The following SLC35F3 variants were observed in gnomAD, a reference collection of about 807,000 sequenced individuals.
SLC35F3 encodes solute carrier family 35 member F3.
SLC35F3 carries 25 observed loss-of-function variants against 49.9 expected under a neutral mutation model. That is an observed-to-expected ratio of 0.50 (90% CI 0.37 to 0.70). SLC35F3 has a LOEUF of 0.70. Among genes scored for constraint, SLC35F3 ranks in the 30% least tolerant of loss-of-function variants. SLC35F3 has a pLI of 0.00. For missense variants in SLC35F3, 525 were observed against 639.8 expected (o/e 0.82, Z 1.94); for synonymous variants, 275 against 265.4 (o/e 1.04, Z -0.35).
At chr1:234,097,857 A>G (rs1030034866) in intron 2 of SLC35F3, among the ~76,000 whole-genome samples, 2 of 152,256 alleles carry the variant, frequency 1.3e-5, no homozygotes, top group African/African-American at 2.4e-5. Flanking sequence ...AAAGAGATGA[A>G]GAGACATGTC....
chr1:233,951,827 C>T (rs1662612610), intron 2 of SLC35F3, among the ~76,000 whole-genome samples: 1 of 152,044 alleles, frequency 6.6e-6, no homozygotes, highest in Admixed American at 6.5e-5. Context: ...TCCCTTGGGC[C>T]TCCCAAAGTG....
At chr1:234,152,712 G>T (rs1327410614) in intron 2 of SLC35F3, among the ~76,000 whole-genome samples, 1 of 152,160 alleles carries the variant, frequency 6.6e-6, no homozygotes, top group Admixed American at 6.5e-5. Flanking sequence ...CTTTATAGTA[G>T]AATGATTTAT....
chr1:234,059,044 C>A (rs953923045), intron 2 of SLC35F3, among the ~76,000 whole-genome samples: 27 of 152,062 alleles, frequency 1.8e-4, no homozygotes, highest in Non-Finnish European at 3.7e-4. Flanking sequence ...TGATTCTAAT[C>A]ATTTGAGTTT....
intron 2 of SLC35F3, among the ~76,000 whole-genome samples, chr1:234,216,871 A>G (rs1667130384): frequency 6.6e-6 from 1 of 152,224 alleles, no homozygotes; most frequent in African/African-American, 2.4e-5. Flanking sequence ...TGGGATACCT[A>G]CAAGTATCCC....
At position 234,242,927 on chromosome 1, in the gene SLC35F3, A is replaced by G. The variant is rs12096868; in HGVS notation, c.608+11186A>G. 6.3e-3 allele frequency among the ~76,000 whole-genome samples: 957 copies of G among 152,340 alleles called. 8 individuals are homozygous for G. The highest frequency in any genetic ancestry group is 0.022 in the African/African-American group (901 of 41,572). On this transcript the variant is annotated intron_variant, in intron 3 of 7. Coordinates refer to ENST00000366618, the MANE Select transcript of SLC35F3 (RefSeq NM_173508.4). Reference sequence around the variant, plus strand: ...TTTGCTACATGTTTCTCAGGGAAAAACAGAAGAGAACTTTGTCAAAGAAAG... The same window carrying G: ...TTTGCTACATGTTTCTCAGGGAAAAGCAGAAGAGAACTTTGTCAAAGAAAG...
At chr1:234,142,291 A>G (rs1665928328) in intron 2 of SLC35F3, among the ~76,000 whole-genome samples, 1 of 152,198 alleles carries the variant, frequency 6.6e-6, no homozygotes, top group African/African-American at 2.4e-5. Flanking sequence ...TGTTTAGACC[A>G]TGGAACTAAT....
chr1:234,055,652 G>A (rs1174478691), intron 2 of SLC35F3, among the ~76,000 whole-genome samples: 2 of 152,188 alleles, frequency 1.3e-5, no homozygotes, highest in African/African-American at 2.4e-5. Context: ...TCCAGGGGCT[G>A]CACCCACTGT....
Position 234,324,211 on chromosome 1 carries a change from C to G in SLC35F3, c.*968C>G, listed in dbSNP as rs979860930. On this transcript the variant is annotated 3_prime_UTR_variant, in exon 8 of 8. Transcript: ENST00000366618. Reference sequence around the variant, plus strand: ...GAAATCTGTAAACCTTTTTATGAAACTTTTAAGCACCAGGCTGTTTACTTA... The same window carrying G: ...GAAATCTGTAAACCTTTTTATGAAAGTTTTAAGCACCAGGCTGTTTACTTA... 6.6e-6 allele frequency: 1 copy of G among 152,188 alleles called. No homozygotes were observed. Among genetic ancestry groups the G allele is most frequent in the East Asian group, 1.9e-4 (1 of 5,204 alleles). 9.4% of individuals were successfully genotyped at this position (152,188 alleles called of 1,614,324 possible). A position where few individuals can be genotyped will look rare whatever the true frequency, so the allele number is the denominator to read the frequency against.
intron 2 of SLC35F3, among the ~76,000 whole-genome samples, chr1:234,034,792 G>A (rs1397836606): frequency 6.6e-6 from 1 of 152,128 alleles, no homozygotes; most frequent in Non-Finnish European, 1.5e-5. Context: ...CAAAGTGCTG[G>A]GATTATAGGC....
intron 2 of SLC35F3, among the ~76,000 whole-genome samples, chr1:234,023,308 C>A (rs971580047): frequency 1.3e-5 from 2 of 152,032 alleles, no homozygotes; most frequent in Non-Finnish European, 2.9e-5. Flanking sequence ...TCTTGCTGCA[C>A]CAGAAAGTAA....
chr1:234,248,721 A>C (rs1045197753), intron 3 of SLC35F3, among the ~76,000 whole-genome samples: 6 of 152,220 alleles, frequency 3.9e-5, no homozygotes, highest in African/African-American at 1.4e-4. Context: ...GATCCTCTTG[A>C]TCAGAGGCTA....
intron 3 of SLC35F3, among the ~76,000 whole-genome samples, 186 bp from the exon 4 acceptor site, chr1:234,308,915 T>C (rs2102993756): frequency 6.6e-6 from 1 of 152,234 alleles, no homozygotes; most frequent in Middle Eastern, 3.4e-3. Context: ...CTGTGCAACA[T>C]TTGTTTCAGT....
At chr1:234,052,931 C>T (rs1664400729) in intron 2 of SLC35F3, among the ~76,000 whole-genome samples, 1 of 152,180 alleles carries the variant, frequency 6.6e-6, no homozygotes. Flanking sequence ...GTTCAGTTTC[C>T]ATGTAGTTGA....
intron 2 of SLC35F3, among the ~76,000 whole-genome samples, chr1:234,030,382 C>T (rs1471517853): frequency 1.3e-5 from 2 of 152,170 alleles, no homozygotes; most frequent in Non-Finnish European, 2.9e-5. Context: ...CCCACAGGTG[C>T]TCACAGCTCA....
At chr1:234,011,140 T>C (rs1266730486) in intron 2 of SLC35F3, among the ~76,000 whole-genome samples, 1 of 152,174 alleles carries the variant, frequency 6.6e-6, no homozygotes, top group Non-Finnish European at 1.5e-5. Context: ...TGTGAGCTAC[T>C]ATACATTTAT....
chr1:234,060,913 T>C (rs1664530030), intron 2 of SLC35F3, among the ~76,000 whole-genome samples: 1 of 152,250 alleles, frequency 6.6e-6, no homozygotes, highest in African/African-American at 2.4e-5. Flanking sequence ...ATATATTCTA[T>C]TTCTATGTCT....
intron 3 of SLC35F3, among the ~76,000 whole-genome samples, chr1:234,272,885 C>T (rs1668130850): frequency 2.0e-5 from 3 of 152,240 alleles, no homozygotes; most frequent in Non-Finnish European, 4.4e-5. Context: ...CTCGCTGCCC[C>T]TGATGTGCCA....
intron 2 of SLC35F3, among the ~76,000 whole-genome samples, chr1:234,201,912 C>CAAAAAAAAAAA (rs11361148): frequency 8.9e-6 from 1 of 111,926 alleles, no homozygotes; most frequent in Non-Finnish European, 1.9e-5. Context: ...GACTTCTTCT[C>CAAAAAAAAAAA]AAAAAAAAAA....
At chr1:234,222,352 G>T (rs1667219381) in intron 2 of SLC35F3, among the ~76,000 whole-genome samples, 1 of 152,172 alleles carries the variant, frequency 6.6e-6, no homozygotes, top group African/African-American at 2.4e-5. Flanking sequence ...ATACCTTAAG[G>T]CCAACCCCAC....
Sources: allele counts gnomAD v4.1 joint callset (sites outside exome capture counted in the v4.1 genomes callset), GRCh38; gene constraint gnomAD v4.1.1; transcripts MANE v1.5; gene names NCBI Gene and HGNC (gene_info 2026-07-23, HGNC 2026-07-21).